The following CBFA2T3 variants were observed in gnomAD, a reference collection of about 807,000 sequenced individuals.
CBFA2T3 encodes the protein CBFA2/RUNX1 partner transcriptional co-repressor 3, also known as transcriptional corepressor CBFA2T3.
CBFA2T3 carries 31 observed loss-of-function variants against 58.6 expected under a neutral mutation model. That is an observed-to-expected ratio of 0.53 (90% confidence interval 0.40 to 0.71). The LOEUF (loss-of-function observed/expected upper bound fraction) is 0.71, where lower values mean the gene tolerates loss of function less well. Ranked by LOEUF, CBFA2T3 falls within the 30% of genes least tolerant of loss-of-function variation. The pLI, the probability that CBFA2T3 is intolerant of heterozygous loss-of-function variation, is 0.00. For missense variants in CBFA2T3, 1,076 were observed against 963.1 expected, an observed-to-expected ratio of 1.12 and a Z score of -1.55; for synonymous variants, 531 against 421.9, an observed-to-expected ratio of 1.26 and a Z score of -3.17.
In CBFA2T3 at chr16:88,875,097, C is replaced by G. The variant is rs565637989; in HGVS notation, c.*1879G>C. 6.3e-5 allele frequency: 15 copies of G among 236,318 alleles called. 1 individual carries two copies. In the South Asian group the frequency reaches 2.3e-3, roughly 36 times the overall value. The allele number at this position is 236,318 out of a possible 1,614,324, so 14.6% of individuals were successfully genotyped here. A position where few individuals can be genotyped will look rare whatever the true frequency, so the allele number is the denominator to read the frequency against. On this transcript the variant is annotated 3_prime_UTR_variant, in exon 12 of 12. Coordinates refer to ENST00000268679, the MANE Select transcript of CBFA2T3 (RefSeq NM_005187.6). ...CGGGCCACGCCACGCGCACAGATGC[C>G]AGGCCACGGGCCACGCCACACACAC...
At chr16:88,910,873 C>T (rs1970508644) in intron 1 of CBFA2T3, among the ~76,000 whole-genome samples, 1 of 146,864 alleles carries the variant, frequency 6.8e-6, no homozygotes, top group Admixed American at 6.8e-5. Flanking sequence ...CAGGAGGCGG[C>T]TCCCTCCCCT....
chr16:88,904,321 C>T (rs531306841), intron 1 of CBFA2T3, among the ~76,000 whole-genome samples: 2 of 152,302 alleles, frequency 1.3e-5, no homozygotes, highest in South Asian at 4.2e-4. Flanking sequence ...TGCATCCTCA[C>T]CGAGACCCTC....
chr16:88,875,056 C>T lies in CBFA2T3; in HGVS notation c.*1920G>A, dbSNP rs1026726950. 1.3e-5 allele frequency: 3 copies of T among 235,388 alleles called. No homozygotes were observed. The highest frequency in any genetic ancestry group is 2.5e-5 in the Non-Finnish European group (3 of 119,094). 14.6% of individuals were successfully genotyped at this position (235,388 alleles called of 1,614,324 possible). ...TCCTAGAACTCCTGATAGCCACGCACACAGATGCCAGGCCACGGGCCACGC... is the reference window on the plus strand; with the variant it reads ...TCCTAGAACTCCTGATAGCCACGCATACAGATGCCAGGCCACGGGCCACGC... On this transcript the variant is annotated 3_prime_UTR_variant, in exon 12 of 12. Transcript: ENST00000268679.
At position 88,953,493 on chromosome 16, in the gene CBFA2T3, T is replaced by TCCCAGCGGA. The variant is rs1972132999; in HGVS notation, c.151+23163_151+23164insTCCGCTGGG. ...GAGCCCTCAAAATGGTCCCCACAGC[T>TCCCAGCGGA]GCCGCCCACTCTTGGGACCCTGAGT... is the stretch of plus-strand genomic sequence containing the variant. On this transcript the variant is annotated intron_variant, in intron 1 of 11. Coordinates refer to ENST00000268679, the MANE Select transcript of CBFA2T3 (RefSeq NM_005187.6). This position sits in a 1 kb window ranked among gnomAD's most constrained non-coding sequence, Gnocchi z 4.9. 3.3e-5 allele frequency among the ~76,000 whole-genome samples: 5 copies of TCCCAGCGGA among 152,154 alleles called. No individual in the cohort carries two copies. The highest frequency in any genetic ancestry group is 9.7e-5 in the African/African-American group (4 of 41,448).
intron 1 of CBFA2T3, among the ~76,000 whole-genome samples, chr16:88,948,886 G>A (rs767580512): frequency 1.3e-5 from 2 of 152,148 alleles, no homozygotes; most frequent in East Asian, 1.9e-4. Flanking sequence ...GTTGGAAATC[G>A]GAAGTGTCCC....
At position 88,956,096 on chromosome 16, in the gene CBFA2T3, GAGGCTTTGGGAAAGACTCAA is replaced by G. The variant is rs1257773777; in HGVS notation, c.151+20541_151+20560del. Among the ~76,000 whole-genome samples, 13 of 152,392 alleles carry G rather than the reference GAGGCTTTGGGAAAGACTCAA, an allele frequency of 8.5e-5. No homozygotes were observed. The East Asian group carries it at 1.7e-3, about 20-fold the overall frequency. On this transcript the variant is annotated intron_variant, in intron 1 of 11. Coordinates refer to ENST00000268679, the MANE Select transcript of CBFA2T3 (RefSeq NM_005187.6). ...CAGGCCTGCCGAGTTCCTGCTCCCT[GAGGCTTTGGGAAAGACTCAA>G]AGGCTTTGGGAAAGACTCCATGTCA...
intron 3 of CBFA2T3, among the ~76,000 whole-genome samples, chr16:88,897,121 T>TGC (rs1969917896): frequency 6.6e-6 from 1 of 152,244 alleles, no homozygotes; most frequent in Non-Finnish European, 1.5e-5. Context: ...CTGTCACCCC[T>TGC]GCTCCTTGCT....
At chr16:88,897,040 C>T (rs545567552) in intron 3 of CBFA2T3, among the ~76,000 whole-genome samples, 35 of 152,262 alleles carry the variant, frequency 2.3e-4, no homozygotes, top group Non-Finnish European at 3.5e-4. Context: ...CGAGCACCCC[C>T]GCGGCTCCCC....
intron 3 of CBFA2T3, 132 bp from the exon 4 acceptor site, chr16:88,892,617 G>C: frequency 2.8e-6 from 3 of 1,080,096 alleles, no homozygotes; most frequent in Non-Finnish European, 4.2e-6. Flanking sequence ...GAGACACAAG[G>C]ACAGTAGCGC....
intron 1 of CBFA2T3, among the ~76,000 whole-genome samples, chr16:88,940,743 G>A (rs1480414212): frequency 6.6e-6 from 1 of 152,124 alleles, no homozygotes; most frequent in East Asian, 1.9e-4. Flanking sequence ...TAGGAAAACC[G>A]GGCGGCCCCA....
chr16:88,888,239 G>C (rs947864419), intron 5 of CBFA2T3, among the ~76,000 whole-genome samples: 15 of 151,398 alleles, frequency 9.9e-5, no homozygotes, highest in African/African-American at 3.6e-4. Context: ...GCCGTTTCTA[G>C]GATGATGTCT....
intron 3 of CBFA2T3, among the ~76,000 whole-genome samples, chr16:88,896,684 G>A (rs1311312776): frequency 6.6e-6 from 1 of 152,204 alleles, no homozygotes; most frequent in Non-Finnish European, 1.5e-5. Context: ...CACTGCAGCG[G>A]GAGGCTGGTT....
intron 10 of CBFA2T3, chr16:88,880,131 C>T (rs1597654951): frequency 1.3e-5 from 2 of 156,336 alleles, no homozygotes; most frequent in South Asian, 2.0e-4. Flanking sequence ...GAGCAGCCTC[C>T]AGGGAGCACT....
intron 1 of CBFA2T3, among the ~76,000 whole-genome samples, chr16:88,943,530 G>A (rs1900666954): frequency 6.6e-6 from 1 of 152,226 alleles, no homozygotes; most frequent in Non-Finnish European, 1.5e-5. Flanking sequence ...GCGTGGTAGA[G>A]AAGAAAGGGA....
rs1363082159 is a variant in CBFA2T3, at chr16:88,880,757, G to A, written c.1434C>T (p.Leu478=). 2.5e-6 allele frequency: 4 copies of A among 1,583,834 alleles called. No homozygotes were observed. Among genetic ancestry groups the A allele is most frequent in the South Asian group, 1.2e-5 (1 of 86,946 alleles). The part of the protein sequence containing the change: ...DVPREFLPRT[L]TGYVPEDIWR... ...AGATGTCCTCAGGCACGTAGCCGGTGAGGGTCCTCGGCAGGAACTCGCGAG... is the reference window on the plus strand; with the variant it reads ...AGATGTCCTCAGGCACGTAGCCGGTAAGGGTCCTCGGCAGGAACTCGCGAG... Residue 478 remains leucine (L), a synonymous_variant, in exon 10 of 12, where the codon CTC becomes CTT. Coordinates refer to ENST00000268679, the MANE Select transcript of CBFA2T3 (RefSeq NM_005187.6).
At chr16:88,878,650 G>A (rs1038477215) in intron 11 of CBFA2T3, among the ~76,000 whole-genome samples, 22 of 152,196 alleles carry the variant, frequency 1.4e-4, no homozygotes, top group Non-Finnish European at 3.1e-4. Context: ...ACAGGCTAGA[G>A]AACACGGGTT....
chr16:88,917,417 G>A (rs542459895), intron 1 of CBFA2T3, among the ~76,000 whole-genome samples: 1 of 152,312 alleles, frequency 6.6e-6, no homozygotes, highest in South Asian at 2.1e-4. Flanking sequence ...ACACAGCCCT[G>A]GGAACGGGAC....
At chr16:88,896,251 T>C (rs1969882746) in intron 3 of CBFA2T3, among the ~76,000 whole-genome samples, 1 of 152,210 alleles carries the variant, frequency 6.6e-6, no homozygotes, top group Admixed American at 6.5e-5. Context: ...GAGACATCTC[T>C]GTTGCTGGGG....
At chr16:88,918,053 G>T (rs749992602) in intron 1 of CBFA2T3, among the ~76,000 whole-genome samples, 7 of 152,102 alleles carry the variant, frequency 4.6e-5, no homozygotes, top group Non-Finnish European at 2.9e-5. Context: ...GGGGCTTCCC[G>T]CCACGTCCTG....
Sources: gnomAD v4.1 joint callset for allele counts (sites outside exome capture counted in the v4.1 genomes callset) on GRCh38, gnomAD v4.1.1 for gene constraint, Gnocchi (gnomAD v3.1) non-coding constraint, MANE v1.5 for transcripts, NCBI Gene and HGNC (gene_info 2026-07-23, HGNC 2026-07-21) for gene names.